SIGLEC5: variants seen among roughly 807,000 people sequenced by gnomAD.
SIGLEC5 encodes sialic acid-binding Ig-like lectin 5.
Under a neutral mutation model 45.9 loss-of-function variants are expected in SIGLEC5, and 34 were observed. The ratio of observed to expected loss-of-function variants is 0.74; its 90% CI spans 0.56 to 0.99. The LOEUF (loss-of-function observed/expected upper bound fraction) is 0.99, where lower values mean the gene tolerates loss of function less well. Among genes scored for constraint, SIGLEC5 ranks in the 50% least tolerant of loss-of-function variants. The pLI is 0.00. For synonymous variants in SIGLEC5, 203 were observed against 258.6 expected (o/e 0.79, Z 2.06); for missense variants, 508 against 629.6 (o/e 0.81, Z 2.07).
Position 51,625,605 on chromosome 19 carries a change from G to A in SIGLEC5, c.1464+427C>T, listed in dbSNP as rs181616786. Among the ~76,000 whole-genome samples, 932 of 152,238 alleles carry A rather than the reference G, an allele frequency of 6.1e-3. 1 individual carries two copies. The highest frequency in any genetic ancestry group is 9.7e-3 in the Non-Finnish European group (663 of 68,014). On this transcript the variant is annotated intron_variant, in intron 8 of 8. Coordinates refer to ENST00000683636, the MANE Select transcript of SIGLEC5 (RefSeq NM_003830.4). ...AGCACTTTGGGAGGCCGAGGCGGGC[G>A]GATCACCTGAGGTCAGGAGTTCAAG...
chr19:51,628,750 A>ATGTG (rs1005999103), intron 4 of SIGLEC5, among the ~76,000 whole-genome samples: 3 of 129,824 alleles, frequency 2.3e-5, no homozygotes, highest in African/African-American at 8.7e-5. Context: ...GCCTGTGTGC[A>ATGTG]TGTGTGTGTG....
intron 2 of SIGLEC5, 90 bp downstream of exon 2, chr19:51,629,743 C>G: frequency 2.3e-6 from 2 of 865,696 alleles, no homozygotes; most frequent in South Asian, 3.2e-5. Flanking sequence ...AGTCCTACAC[C>G]TCCTCCAGCC....
chr19:51,629,372 T>C lies in SIGLEC5; in HGVS notation c.686A>G (p.Gln229Arg). ...GCACCACTCACAGGAGACATTGAGCTGGACAGTTCTCTCCGTGGTCACCTG... is the reference window on the plus strand; with the variant it reads ...GCACCACTCACAGGAGACATTGAGCCGGACAGTTCTCTCCGTGGTCACCTG... ...GAQVTTERTV[Q>R]LNVSYAPQTI... Residue 229 changes from glutamine (Q) to arginine (R), a missense_variant, in exon 3 of 9, where the codon CAG becomes CGG. Physicochemically the swap from Gln to Arg is conservative, Grantham distance 43. Coordinates refer to ENST00000683636, the MANE Select transcript of SIGLEC5 (RefSeq NM_003830.4). 6.2e-7 allele frequency: 1 copy of C among 1,613,896 alleles called. No individual in the cohort carries two copies. The highest frequency in any genetic ancestry group is 8.5e-7 in the Non-Finnish European group (1 of 1,179,994).
intron 8 of SIGLEC5, among the ~76,000 whole-genome samples, chr19:51,619,927 C>G (rs895515685): frequency 6.6e-6 from 1 of 151,652 alleles, no homozygotes; most frequent in Non-Finnish European, 1.5e-5. Flanking sequence ...AAGCAATTAA[C>G]AAGATTTAGC....
In SIGLEC5 at chr19:51,611,556, C is replaced by T. The variant is rs142418744; in HGVS notation, c.*675G>A. 2.6e-5 allele frequency among the ~76,000 whole-genome samples: 4 copies of T among 152,194 alleles called. No homozygotes were observed. Among genetic ancestry groups the T allele is most frequent in the East Asian group, 1.9e-4 (1 of 5,174 alleles). The stretch of plus-strand genomic sequence containing the variant: ...GATATATTGTCTAAGGCCAGGGGGC[C>T]GTGAATGGGTTTGGGCAGGAAAGAG... On this transcript the variant is annotated 3_prime_UTR_variant, in exon 9 of 9. Coordinates refer to ENST00000683636, the MANE Select transcript of SIGLEC5 (RefSeq NM_003830.4).
At position 51,628,053 on chromosome 19, in the gene SIGLEC5, G is replaced by C; in HGVS notation, c.778C>G (p.Leu260Val). The change falls in exon 5 of 9, where the codon CTG (leucine) becomes GTG (valine). Residue 260 changes from leucine to valine, a missense_variant. Leu to Val is a conservative substitution (Grantham distance 32). Coordinates refer to ENST00000683636, the MANE Select transcript of SIGLEC5 (RefSeq NM_003830.4). ...AGCAGCCGCAGAGCCTGGCCCTCCA[G>C]GACCGGAAGGTATGAGGTGTTTTGC... is the stretch of plus-strand genomic sequence containing the variant. ...ILQNTSYLPV[L>V]EGQALRLLCD... 1 of 1,579,004 alleles carries C rather than the reference G, an allele frequency of 6.3e-7. No homozygotes were observed. Among genetic ancestry groups the C allele is most frequent in the Non-Finnish European group, 8.6e-7 (1 of 1,163,222 alleles).
intron 4 of SIGLEC5, 46 bp downstream of exon 4, chr19:51,628,992 C>T (rs761874061): frequency 6.4e-7 from 1 of 1,573,310 alleles, no homozygotes; most frequent in Non-Finnish European, 8.7e-7. Flanking sequence ...TGCTCAGAGA[C>T]AGACCCAGAG....
intron 8 of SIGLEC5, among the ~76,000 whole-genome samples, chr19:51,621,907 T>C (rs988756081): frequency 1.3e-5 from 2 of 149,104 alleles, no homozygotes; most frequent in Non-Finnish European, 3.0e-5. Context: ...GGAAGAAAAA[T>C]AACAAAAGAT....
rs201585281 is a variant in SIGLEC5 at position 51,629,361 on chromosome 19, A to G, written c.697T>C (p.Ser233Pro). Residue 233 changes from serine to proline, a missense_variant, in exon 3 of 9, where the codon TCC becomes CCC. Around this residue, in one of 2 missense-constraint regions of SIGLEC5, gnomAD observed 431 missense variants for 428.8 expected, o/e 1.01. Transcript: ENST00000683636. ...CTGTGTCCCCAGCACCACTCACAGG[A>G]GACATTGAGCTGGACAGTTCTCTCC... The part of the protein sequence containing the change: ...TTERTVQLNV[S>P]YAPQTITIFR... The G allele has an allele frequency of 1.2e-6, 2 of 1,613,220 alleles. No homozygotes were observed. Among genetic ancestry groups the G allele is most frequent in the Non-Finnish European group, 1.7e-6 (2 of 1,179,936 alleles).
chr19:51,626,236 G>A (rs747841091), intron 7 of SIGLEC5, 123 bp from the exon 8 acceptor site: 118 of 733,150 alleles, frequency 1.6e-4, no homozygotes, highest in Admixed American at 2.2e-4. Context: ...AACTAAACTC[G>A]GAGACCTTCC....
At chr19:51,623,786 G>A (rs577375670) in intron 8 of SIGLEC5, among the ~76,000 whole-genome samples, 9 of 152,310 alleles carry the variant, frequency 5.9e-5, no homozygotes, top group South Asian at 2.1e-4. Flanking sequence ...AGGAAAGCTC[G>A]TGTGTGTTAG....
rs1441424336 is a variant in SIGLEC5, at chr19:51,611,983, A to G, written c.*248T>C. 3.4e-6 allele frequency: 1 copy of G among 293,164 alleles called. No homozygotes were observed. The highest frequency in any genetic ancestry group is 6.3e-6 in the Non-Finnish European group (1 of 158,816). The allele number at this position is 293,164 out of a possible 1,614,324, so 18.2% of individuals were successfully genotyped here. A position where few individuals can be genotyped will look rare whatever the true frequency, so the allele number is the denominator to read the frequency against. ...TGTTCACAACAACCTTTGAGGTAGCATGCATGATCTCTGATTTACAGAATG... is the reference window on the plus strand; with the variant it reads ...TGTTCACAACAACCTTTGAGGTAGCGTGCATGATCTCTGATTTACAGAATG... On this transcript the variant is annotated 3_prime_UTR_variant, in exon 9 of 9. Transcript: ENST00000683636.
At position 51,625,915 on chromosome 19, in the gene SIGLEC5, C is replaced by A. The variant is rs548069748; in HGVS notation, c.1464+117G>T. ...GGCTCTGGGATATGAAGGGGGAGAACAGGAGAGAAGAGAACTCCCAGGTGA... is the reference window on the plus strand; with the variant it reads ...GGCTCTGGGATATGAAGGGGGAGAAAAGGAGAGAAGAGAACTCCCAGGTGA... On this transcript the variant is annotated intron_variant, in intron 8 of 8. Coordinates refer to ENST00000683636, the MANE Select transcript of SIGLEC5 (RefSeq NM_003830.4). 184 of 740,766 alleles carry A rather than the reference C, an allele frequency of 2.5e-4. 1 individual carries two copies. The highest frequency in any genetic ancestry group is 2.2e-3 in the South Asian group (143 of 64,288). 45.9% of individuals were successfully genotyped at this position (740,766 alleles called of 1,614,324 possible).
intron 8 of SIGLEC5, among the ~76,000 whole-genome samples, chr19:51,623,799 C>T (rs192988382): frequency 1.6e-4 from 25 of 152,218 alleles, no homozygotes; most frequent in South Asian, 8.3e-4. Context: ...TGTGTTAGTA[C>T]GGTGAGACAA....
In SIGLEC5 at chr19:51,626,128, C is replaced by A. The variant is rs779996103; in HGVS notation, c.1383-15G>T. The A allele has an allele frequency of 1.2e-6, 2 of 1,609,606 alleles. No homozygotes were observed. Among genetic ancestry groups the A allele is most frequent in the Admixed American group, 1.7e-5 (1 of 59,996 alleles). ...GGGCTTTCACTCTAAGGAAAGAAAC[C>A]AGCACAGTGCAGCTGGGACCACCCA... On this transcript the variant is annotated splice_polypyrimidine_tract_variant and intron_variant, in intron 7 of 8. Coordinates refer to ENST00000683636, the MANE Select transcript of SIGLEC5 (RefSeq NM_003830.4).
chr19:51,620,007 A>G (rs1983221786), intron 8 of SIGLEC5, among the ~76,000 whole-genome samples: 1 of 151,832 alleles, frequency 6.6e-6, no homozygotes, highest in Non-Finnish European at 1.5e-5. Flanking sequence ...TAATCTCGAC[A>G]AAAACAAATA....
chr19:51,627,432 G>T (rs1983527784), intron 6 of SIGLEC5, 30 bp downstream of exon 6: 2 of 1,589,060 alleles, frequency 1.3e-6, no homozygotes, highest in Non-Finnish European at 1.7e-6. Flanking sequence ...CTCCCCTCAG[G>T]CCCCTGCCCT....
rs140487852 is a variant in SIGLEC5 at position 51,628,380 on chromosome 19, A to G, written c.740-289T>C. 6.0e-3 allele frequency among the ~76,000 whole-genome samples: 910 copies of G among 152,278 alleles called. 8 individuals are homozygous for G. Among genetic ancestry groups the G allele is most frequent in the African/African-American group, 0.02 (848 of 41,522 alleles). On this transcript the variant is annotated intron_variant, in intron 4 of 8. Transcript: ENST00000683636. ...GTGGCGTTGGGAAATACAGTCCGCT[A>G]ATGTGACAGGAAATAAGACTGAGGA...
chr19:51,618,465 A>C (rs1030403227), intron 8 of SIGLEC5, among the ~76,000 whole-genome samples: 4 of 150,354 alleles, frequency 2.7e-5, no homozygotes, highest in Non-Finnish European at 5.9e-5. Flanking sequence ...AAAAAAAAAA[A>C]AAACATCCAG....
Sources: allele counts gnomAD v4.1 joint callset (sites outside exome capture counted in the v4.1 genomes callset), GRCh38; gene constraint gnomAD v4.1.1; regional missense constraint gnomAD v4.1.1; transcripts MANE v1.5; gene names NCBI Gene and HGNC (gene_info 2026-07-23, HGNC 2026-07-21).